The following MYH16 variants were observed in gnomAD, a reference collection of about 807,000 sequenced individuals.
MYH16 encodes the protein myosin heavy chain 16, also known as putative uncharacterized protein MYH16.
intron 8 of MYH16, among the ~76,000 whole-genome samples, chr7:99,254,829 A>C (rs1351277018): frequency 1.3e-5 from 2 of 152,174 alleles, no homozygotes; most frequent in Non-Finnish European, 2.9e-5. Flanking sequence ...AAATTGGGAG[A>C]CTTCACATAA....
chr7:99,262,730 G>T lies in MYH16; in HGVS notation n.1756-604G>T, dbSNP rs1791949541. Among the ~76,000 whole-genome samples, 4 of 152,188 alleles carry T rather than the reference G, an allele frequency of 2.6e-5. No individual in the cohort carries two copies. The South Asian group carries it at 8.3e-4, about 32-fold the overall frequency. On this transcript the variant is annotated intron_variant and non_coding_transcript_variant, in intron 13 of 41. Transcript: ENST00000439784. ...GGCAAGATGGGAAGCAGAAATTAGT[G>T]GATGTCCAAATACCTGGATATATGG... is the stretch of plus-strand genomic sequence containing the variant.
intron 38 of MYH16, among the ~76,000 whole-genome samples, chr7:99,302,107 C>T (rs1179639694): frequency 6.6e-6 from 1 of 151,920 alleles, no homozygotes; most frequent in Non-Finnish European, 1.5e-5. Flanking sequence ...AGTTCGAGAC[C>T]AGCTTGGCCA....
intron 18 of MYH16, among the ~76,000 whole-genome samples, chr7:99,270,036 G>A (rs1302634426): frequency 6.6e-6 from 1 of 151,834 alleles, no homozygotes; most frequent in Admixed American, 6.6e-5. Flanking sequence ...AGCATGCCTG[G>A]CTAATTTTTT....
At chr7:99,250,257 G>T (rs954131729) in intron 5 of MYH16, among the ~76,000 whole-genome samples, 2 of 152,198 alleles carry the variant, frequency 1.3e-5, no homozygotes, top group Non-Finnish European at 1.5e-5. Context: ...ATAGATCAAG[G>T]TCTCCTCCCC....
At chr7:99,248,006 G>T (rs1275656359) in intron 3 of MYH16, among the ~76,000 whole-genome samples, 1 of 152,204 alleles carries the variant, frequency 6.6e-6, no homozygotes, top group Non-Finnish European at 1.5e-5. Context: ...AAACCCGTGG[G>T]ATGCCAAGGT....
intron 32 of MYH16, among the ~76,000 whole-genome samples, chr7:99,293,099 G>A (rs1452500936): frequency 1.3e-5 from 2 of 152,170 alleles, no homozygotes; most frequent in Non-Finnish European, 2.9e-5. Context: ...AGCCCTGTGA[G>A]TGAGCCACCC....
intron 15 of MYH16, among the ~76,000 whole-genome samples, chr7:99,264,901 A>G (rs1037060814): frequency 1.2e-4 from 18 of 152,184 alleles, no homozygotes; most frequent in South Asian, 1.0e-3. Context: ...GGACCTTGAG[A>G]GCAGTGCTGC....
At chr7:99,286,807 A>G (rs1003159902) in intron 28 of MYH16, among the ~76,000 whole-genome samples, 1 of 151,070 alleles carries the variant, frequency 6.6e-6, no homozygotes, top group African/African-American at 2.5e-5. Context: ...AAAAAAAATT[A>G]GCTGGGCATG....
At chr7:99,295,836 GAAAAAAAAAAA>G (rs869299904) in intron 33 of MYH16, among the ~76,000 whole-genome samples, 593 of 56,796 alleles carry the variant, frequency 0.01, 7 homozygotes, top group Non-Finnish European at 0.012. Flanking sequence ...TCATCTCTTG[GAAAAAAAAAAA>G]AAAAAAAAAA....
intron 31 of MYH16, among the ~76,000 whole-genome samples, chr7:99,291,931 G>A (rs1792386512): frequency 6.6e-6 from 1 of 151,998 alleles, no homozygotes; most frequent in South Asian, 2.1e-4. Context: ...TGACAAGAGT[G>A]AAACTCGGTC....
intron 9 of MYH16, chr7:99,257,224 A>C (rs1056232341): frequency 6.6e-6 from 1 of 152,670 alleles, no homozygotes; most frequent in Non-Finnish European, 1.5e-5. Context: ...GCATGGCCCC[A>C]GTGTGGCAGT....
chr7:99,269,673 G>A (rs931658881), intron 18 of MYH16, among the ~76,000 whole-genome samples: 1 of 152,106 alleles, frequency 6.6e-6, no homozygotes, highest in South Asian at 2.1e-4. Context: ...ACACCCTTCC[G>A]TGACATTCCT....
At chr7:99,296,068 C>G (rs1792485844) in intron 33 of MYH16, among the ~76,000 whole-genome samples, 3 of 150,070 alleles carry the variant, frequency 2.0e-5, no homozygotes, top group African/African-American at 7.4e-5. Flanking sequence ...CGCTTGAACC[C>G]AGGAGACGGA....
At chr7:99,250,487 T>A (rs781114135) in intron 5 of MYH16, among the ~76,000 whole-genome samples, 6 of 152,128 alleles carry the variant, frequency 3.9e-5, no homozygotes, top group Non-Finnish European at 7.4e-5. Flanking sequence ...ATGCCTATAA[T>A]CCCAGTACTC....
intron 37 of MYH16, among the ~76,000 whole-genome samples, chr7:99,301,099 G>A (rs1254594691): frequency 6.6e-6 from 1 of 151,104 alleles, no homozygotes; most frequent in Non-Finnish European, 1.5e-5. Flanking sequence ...GGAAGGTGAG[G>A]CAGGAGAATC....
At chr7:99,279,478 C>T in intron 21 of MYH16, 32 bp from the exon 4 acceptor site, 2 of 455,324 alleles carry the variant, frequency 4.4e-6, no homozygotes, top group South Asian at 3.1e-5. Context: ...TGCCTGGACC[C>T]TGTCCTCGAC....
intron 18 of MYH16, among the ~76,000 whole-genome samples, chr7:99,267,629 C>T (rs1006674264): frequency 6.6e-6 from 1 of 152,234 alleles, no homozygotes; most frequent in Non-Finnish European, 1.5e-5. Context: ...GACAATGAAG[C>T]ACTGTAAGCC....
intron 21 of MYH16, among the ~76,000 whole-genome samples, chr7:99,277,937 GACAGACAGACAGACAGAC>G (rs1354534649): frequency 8.3e-6 from 1 of 120,094 alleles, no homozygotes; most frequent in Admixed American, 9.6e-5. Context: ...GAGAGAGAGA[GACAGACAGACAGACAGAC>G]AGACAGACAG....
intron 2 of MYH16, among the ~76,000 whole-genome samples, chr7:99,244,189 C>T (rs1791702236): frequency 6.6e-6 from 1 of 152,186 alleles, no homozygotes; most frequent in Admixed American, 6.5e-5. Context: ...TCCAAATATC[C>T]ATCCATTCAT....
Sources: gnomAD v4.1 joint callset for allele counts (sites outside exome capture counted in the v4.1 genomes callset) on GRCh38, gnomAD v4.1.1 for gene constraint, MANE v1.5 for transcripts, NCBI Gene and HGNC (gene_info 2026-07-23, HGNC 2026-07-21) for gene names.